The following RBFOX1 variants were observed in gnomAD, a reference collection of about 807,000 sequenced individuals.
RBFOX1 encodes the protein RNA binding fox-1 homolog 1.
A neutral mutation model predicts 57.7 loss-of-function variants in RBFOX1; 8 were observed. The observed-to-expected ratio is 0.14, with a 90% CI of 0.08 to 0.25. The LOEUF (loss-of-function observed/expected upper bound fraction) is 0.25. Ranked by LOEUF, RBFOX1 falls within the 10% of genes least tolerant of loss-of-function variation. RBFOX1 has a pLI of 1.00. For synonymous variants in RBFOX1, 326 were observed against 222.4 expected, an observed-to-expected ratio of 1.47 and a Z score of -4.15; for missense variants, 611 against 548.5, an observed-to-expected ratio of 1.11 and a Z score of -1.14.
chr16:6,265,954 T>C (rs1318976011), intron 1 of RBFOX1, among the ~76,000 whole-genome samples: 1 of 152,216 alleles, frequency 6.6e-6, no homozygotes, highest in Non-Finnish European at 1.5e-5. Flanking sequence ...TGTGGGTCCA[T>C]GGTAGGTTTA....
At position 5,467,197 on chromosome 16, in the gene RBFOX1, T is replaced by TCTC. The variant is rs60828774; in HGVS notation, c.220-19_220-18insCTC. Reference sequence around the variant, plus strand: ...TCTTCTCTCTCTCTCTCTCTCTCTCTTTTTTTTTTTTAATGCAGGATCTAC... The same window carrying TCTC: ...TCTTCTCTCTCTCTCTCTCTCTCTCTCTCTTTTTTTTTTTAATGCAGGATCTAC... On this transcript the variant is annotated intron_variant, in intron 1 of 2. Coordinates refer to the RBFOX1 transcript ENST00000585867. 2,762 of 866,782 alleles carry TCTC rather than the reference T, an allele frequency of 3.2e-3. 8 individuals carry two copies. The highest frequency in any genetic ancestry group is 0.029 in the Admixed American group (822 of 28,022). The allele number at this position is 866,782 out of a possible 1,614,324, so 53.7% of individuals were successfully genotyped here.
At chr16:6,749,602 C>T (rs1055290842) in intron 3 of RBFOX1, among the ~76,000 whole-genome samples, 3 of 152,118 alleles carry the variant, frequency 2.0e-5, no homozygotes, top group Non-Finnish European at 4.4e-5. Flanking sequence ...TTCATTGCAC[C>T]GTTTATTGAC....
At position 5,359,644 on chromosome 16, in the gene RBFOX1, A is replaced by AT. The variant is rs112990200; in HGVS notation, c.220-107565dup. Among the ~76,000 whole-genome samples the AT allele has an allele frequency of 3.3e-5, 5 of 152,124 alleles. No individual in the cohort carries two copies. The South Asian group carries it at 8.3e-4, about 25-fold the overall frequency. On this transcript the variant is annotated intron_variant, in intron 1 of 2. Coordinates refer to the RBFOX1 transcript ENST00000585867. Reference sequence around the variant, plus strand: ...ATATGTCTATTCAAATCTTTTGCCTATTTTTTTGATCAGATTGTTAGACTT... The same window carrying AT: ...ATATGTCTATTCAAATCTTTTGCCTATTTTTTTTGATCAGATTGTTAGACTT...
chr16:7,666,416 T>C (rs1597624595), intron 13 of RBFOX1, among the ~76,000 whole-genome samples: 1 of 152,068 alleles, frequency 6.6e-6, no homozygotes, highest in South Asian at 2.1e-4. Context: ...TTTTCCTGAG[T>C]TTAGTTAAAA....
At chr16:7,521,200 A>G (rs571079174) in intron 5 of RBFOX1, among the ~76,000 whole-genome samples, 98 of 152,324 alleles carry the variant, frequency 6.4e-4, no homozygotes, top group African/African-American at 1.8e-3. Context: ...AAAGTTGGAA[A>G]GATCTGGGCT....
chr16:5,656,960 G>A (rs373989686), intron 3 of RBFOX1, among the ~76,000 whole-genome samples: 11 of 152,134 alleles, frequency 7.2e-5, no homozygotes, highest in African/African-American at 2.2e-4. Context: ...GAGGGAGAAC[G>A]TTAGGACAAA....
At chr16:7,181,917 C>CG (rs1177689451) in intron 4 of RBFOX1, among the ~76,000 whole-genome samples, 3 of 151,732 alleles carry the variant, frequency 2.0e-5, no homozygotes, top group African/African-American at 7.3e-5. Context: ...GTAATTTCTA[C>CG]GGAAAAAAAA....
At chr16:5,454,924 TTTCTTCC>T (rs1567535484) in intron 1 of RBFOX1, among the ~76,000 whole-genome samples, 15 of 51,002 alleles carry the variant, frequency 2.9e-4, no homozygotes, top group Admixed American at 6.6e-4. Context: ...CCTTTGTTTC[TTTCTTCC>T]TTCCTTCCTT....
chr16:6,815,152 CTGT>C (rs1172353795), intron 3 of RBFOX1, among the ~76,000 whole-genome samples: 8 of 152,168 alleles, frequency 5.3e-5, no homozygotes, highest in Non-Finnish European at 1.2e-4. Context: ...CATTTGTAAA[CTGT>C]CATGGCGCTG....
intron 1 of RBFOX1, among the ~76,000 whole-genome samples, chr16:6,045,450 C>T (rs1182621250): frequency 6.6e-6 from 1 of 152,112 alleles, no homozygotes; most frequent in Admixed American, 6.5e-5. Context: ...CAAAACACAG[C>T]CAGACCTCTT....
In RBFOX1 at chr16:6,357,857, A is replaced by G. The variant is rs552911686; in HGVS notation, c.-64+40800A>G. Among the ~76,000 whole-genome samples, 62 of 151,788 alleles carry G rather than the reference A, an allele frequency of 4.1e-4. 1 individual carries two copies. The highest frequency in any genetic ancestry group is 1.4e-3 in the African/African-American group (60 of 41,404). On this transcript the variant is annotated intron_variant, in intron 2 of 15. Transcript: ENST00000550418. ...TCCCAACTACTTGGGAGGCTGAGGTAGGAGAATTGCTTGAACCCTGGAGGT... is the reference window on the plus strand; with the variant it reads ...TCCCAACTACTTGGGAGGCTGAGGTGGGAGAATTGCTTGAACCCTGGAGGT...
chr16:6,847,956 A>C (rs865857498), intron 3 of RBFOX1, among the ~76,000 whole-genome samples: 16 of 152,028 alleles, frequency 1.1e-4, no homozygotes, highest in Middle Eastern at 6.8e-3. Context: ...CAGCCTCCCA[A>C]ATAGCTAAGA....
chr16:7,231,974 A>G (rs375234920), intron 4 of RBFOX1, among the ~76,000 whole-genome samples: 1 of 152,296 alleles, frequency 6.6e-6, no homozygotes, highest in Middle Eastern at 3.4e-3. Flanking sequence ...TTTTGGAACT[A>G]GATAGGGGTG....
intron 14 of RBFOX1, among the ~76,000 whole-genome samples, chr16:7,691,388 A>C (rs1018262992): frequency 1.3e-5 from 2 of 151,580 alleles, no homozygotes; most frequent in African/African-American, 4.8e-5. Flanking sequence ...AAAGTGGGGG[A>C]GAGAAAGAAT....
intron 1 of RBFOX1, among the ~76,000 whole-genome samples, chr16:5,274,868 G>GT (rs2063104319): frequency 6.6e-6 from 1 of 152,218 alleles, no homozygotes; most frequent in South Asian, 2.1e-4. Context: ...TCAGGGTCTA[G>GT]TAGGGGATCC....
At chr16:6,073,309 TG>T (rs1388515391) in intron 1 of RBFOX1, among the ~76,000 whole-genome samples, 3 of 152,188 alleles carry the variant, frequency 2.0e-5, no homozygotes, top group African/African-American at 7.2e-5. Flanking sequence ...TTGAGGTTTT[TG>T]CCAAATATTT....
intron 3 of RBFOX1, among the ~76,000 whole-genome samples, chr16:7,005,565 G>C (rs535914426): frequency 6.6e-6 from 1 of 152,188 alleles, no homozygotes; most frequent in Non-Finnish European, 1.5e-5. Context: ...TGGAAAAGCA[G>C]CTCCTGAAAG....
intron 3 of RBFOX1, among the ~76,000 whole-genome samples, chr16:5,781,088 G>A (rs1277776152): frequency 6.6e-6 from 1 of 152,116 alleles, no homozygotes; most frequent in East Asian, 1.9e-4. Flanking sequence ...CATTCTCCTT[G>A]ATTCTAAAAC....
intron 3 of RBFOX1, among the ~76,000 whole-genome samples, chr16:6,832,268 G>C (rs921742570): frequency 6.6e-6 from 1 of 152,208 alleles, no homozygotes; most frequent in Non-Finnish European, 1.5e-5. Flanking sequence ...ATCTTGAAAA[G>C]AGCAATTGCT....
Sources: gnomAD v4.1 joint callset for allele counts (sites outside exome capture counted in the v4.1 genomes callset) on GRCh38, gnomAD v4.1.1 for gene constraint, MANE v1.5 for transcripts, NCBI Gene and HGNC (gene_info 2026-07-23, HGNC 2026-07-21) for gene names.